The following MBTD1 variants were observed in gnomAD, a reference collection of about 807,000 sequenced individuals.
MBTD1 encodes the protein mbt domain containing 1, also known as MBT domain-containing protein 1.
A neutral mutation model predicts 87.8 loss-of-function variants in MBTD1; 24 were observed. The observed-to-expected ratio is 0.27, with a 90% CI of 0.20 to 0.38. The LOEUF (loss-of-function observed/expected upper bound fraction) is 0.38, where lower values mean the gene tolerates loss of function less well. Ranked by LOEUF, MBTD1 falls within the 10% of genes least tolerant of loss-of-function variation. The probability of loss-of-function intolerance (pLI) is 1.00; values close to 1 mark genes in which losing one functional copy is unlikely to be tolerated. For missense variants in MBTD1, 436 were observed against 760.2 expected (o/e 0.57, Z 5.02); for synonymous variants, 237 against 248.6 (o/e 0.95, Z 0.44).
intron 2 of MBTD1, among the ~76,000 whole-genome samples, chr17:51,241,704 C>CAT (rs2054169998): frequency 6.6e-6 from 1 of 152,126 alleles, no homozygotes. Context: ...GCTGGGATTA[C>CAT]AGGTGCCTGC....
At chr17:51,231,503 T>C (rs1279154756) in intron 2 of MBTD1, among the ~76,000 whole-genome samples, 1 of 152,194 alleles carries the variant, frequency 6.6e-6, no homozygotes, top group Admixed American at 6.5e-5. Context: ...GTCAAGGTCT[T>C]CTGGAGACTT....
At chr17:51,201,948 T>C (rs2051517459) in intron 11 of MBTD1, 74 bp downstream of exon 11, 1 of 1,074,340 alleles carries the variant, frequency 9.3e-7, no homozygotes, top group Non-Finnish European at 1.4e-6. Flanking sequence ...GTGATTTCCG[T>C]AATTTTAGGA....
chr17:51,192,852 C>T lies in MBTD1; in HGVS notation c.1620G>A (p.Glu540=). ...EEEYDQWVDC[E]SPDLYPVGWC... ...ACCCTACAGGATAGAGGTCAGGTGACTCACAGTCTACCCACTGATCATACT... is the reference window on the plus strand; with the variant it reads ...ACCCTACAGGATAGAGGTCAGGTGATTCACAGTCTACCCACTGATCATACT... The change falls in exon 15 of 17, where the codon GAG becomes GAA. Residue 540 remains glutamate (E), a synonymous_variant. Transcript: ENST00000586178. The T allele has an allele frequency of 6.2e-7, 1 of 1,614,178 alleles. No individual in the cohort carries two copies. Among genetic ancestry groups the T allele is most frequent in the Non-Finnish European group, 8.5e-7 (1 of 1,180,018 alleles).
chr17:51,221,935 G>GA (rs2052921274), intron 3 of MBTD1, among the ~76,000 whole-genome samples: 1 of 152,082 alleles, frequency 6.6e-6, no homozygotes, highest in African/African-American at 2.4e-5. Flanking sequence ...AGAAATCATG[G>GA]AAAAAAGATA....
chr17:51,227,985 T>G lies in MBTD1; in HGVS notation c.-48-2776A>C, dbSNP rs557041674. Among the ~76,000 whole-genome samples, 3 of 152,200 alleles carry G rather than the reference T, an allele frequency of 2.0e-5. No homozygotes were observed. The East Asian group carries it at 5.8e-4, about 29-fold the overall frequency. ...AAAAAAAAAAGAAAATTTTACCTTT[T>G]ACAATTTTAAGATGGCAAATATTTC... On this transcript the variant is annotated intron_variant, in intron 2 of 16. Coordinates refer to ENST00000586178, the MANE Select transcript of MBTD1 (RefSeq NM_017643.3).
At chr17:51,189,279 G>A (rs541337824) in intron 16 of MBTD1, among the ~76,000 whole-genome samples, 30 of 152,162 alleles carry the variant, frequency 2.0e-4, no homozygotes, top group African/African-American at 6.7e-4. Context: ...TGGTCCCAAG[G>A]GCATCTAATG....
chr17:51,228,017 T>C (rs2053328871), intron 2 of MBTD1, among the ~76,000 whole-genome samples: 1 of 152,072 alleles, frequency 6.6e-6, no homozygotes, highest in Non-Finnish European at 1.5e-5. Flanking sequence ...TTTCAGAAAT[T>C]GTAGGAGATA....
chr17:51,242,244 T>C (rs998734613), intron 2 of MBTD1, among the ~76,000 whole-genome samples: 4 of 152,254 alleles, frequency 2.6e-5, no homozygotes, highest in African/African-American at 9.6e-5. Context: ...ACATGTATTT[T>C]AGAAAATTAT....
At chr17:51,186,651 G>T (rs923039570) in intron 16 of MBTD1, among the ~76,000 whole-genome samples, 10 of 152,080 alleles carry the variant, frequency 6.6e-5, no homozygotes, top group Non-Finnish European at 1.3e-4. Flanking sequence ...GCAGGCGCCT[G>T]TGGTCCCAGC....
intron 2 of MBTD1, among the ~76,000 whole-genome samples, chr17:51,235,126 A>G (rs987515697): frequency 2.7e-5 from 4 of 146,464 alleles, no homozygotes; most frequent in African/African-American, 7.3e-5. Flanking sequence ...AATATCATGA[A>G]TATAGGATGC....
In MBTD1 at chr17:51,218,970, C is replaced by T; in HGVS notation, c.363G>A (p.Gln121=). 6.4e-7 allele frequency: 1 copy of T among 1,551,128 alleles called. No homozygotes were observed. The highest frequency in any genetic ancestry group is 8.7e-7 in the Non-Finnish European group (1 of 1,146,586). ...PLVAKLAAYA[Q]YQATLQNQAK... ...CTTGATTTTGCAAGGTAGCTTGATA[C>T]TGAGCATATGCGGCTAGCTTAGCAA... The change falls in exon 5 of 17, where the codon CAG becomes CAA. Residue 121 remains glutamine (Q), a synonymous_variant. Coordinates refer to ENST00000586178, the MANE Select transcript of MBTD1 (RefSeq NM_017643.3).
intron 16 of MBTD1, among the ~76,000 whole-genome samples, chr17:51,188,828 C>T (rs1222522300): frequency 6.9e-6 from 1 of 144,948 alleles, no homozygotes; most frequent in Non-Finnish European, 1.5e-5. Context: ...GGCGCGATCT[C>T]GGCTCACTGC....
chr17:51,203,764 T>C, intron 8 of MBTD1, 27 bp downstream of exon 8: 1 of 1,591,808 alleles, frequency 6.3e-7, no homozygotes, highest in Non-Finnish European at 8.5e-7. Flanking sequence ...ATAAAAAAAT[T>C]ACGGTAAGGG....
Position 51,248,572 on chromosome 17 carries a change from T to A in MBTD1, c.-49+10571A>T, listed in dbSNP as rs149129925. Among the ~76,000 whole-genome samples the A allele has an allele frequency of 3.1e-3, 466 of 152,370 alleles. 2 individuals are homozygous for A. The highest frequency in any genetic ancestry group is 5.4e-3 in the Non-Finnish European group (368 of 68,030). The stretch of plus-strand genomic sequence containing the variant: ...TCCCCAGTCCTGAGTTCTATTAGCT[T>A]TGGCTAAATTTTGTATATATTTAAG... On this transcript the variant is annotated intron_variant, in intron 2 of 16. Coordinates refer to ENST00000586178, the MANE Select transcript of MBTD1 (RefSeq NM_017643.3).
chr17:51,228,139 A>G (rs979902415), intron 2 of MBTD1, among the ~76,000 whole-genome samples: 5 of 152,098 alleles, frequency 3.3e-5, no homozygotes, highest in African/African-American at 9.7e-5. Context: ...CAAATACCAC[A>G]TGTTCTCACT....
chr17:51,215,836 G>A lies in MBTD1; in HGVS notation c.486+1498C>T, dbSNP rs1471461141. On this transcript the variant is annotated intron_variant, in intron 6 of 16. Transcript: ENST00000586178. ...TGACTTTGATCAAACTCCTTTAATG[G>A]CCATGAATCAGTGAAAATTCACTTA... 3.9e-5 allele frequency among the ~76,000 whole-genome samples: 6 copies of A among 151,998 alleles called. No homozygotes were observed. The Middle Eastern group carries it at 0.01, about 259-fold the overall frequency.
Position 51,192,846 on chromosome 17 carries a change from A to G in MBTD1, c.1626T>C (p.Pro542=), listed in dbSNP as rs1398910255. ...GACACCACCCTACAGGATAGAGGTC[A>G]GGTGACTCACAGTCTACCCACTGAT... ...EYDQWVDCES[P]DLYPVGWCQL... The change falls in exon 15 of 17, where the codon CCT becomes CCC. Residue 542 remains proline, a synonymous_variant. Transcript: ENST00000586178. The G allele has an allele frequency of 6.2e-7, 1 of 1,614,208 alleles. No homozygotes were observed.
chr17:51,220,805 G>C (rs555110609), intron 3 of MBTD1, among the ~76,000 whole-genome samples: 1 of 152,268 alleles, frequency 6.6e-6, no homozygotes, highest in East Asian at 1.9e-4. Flanking sequence ...ACAAATTCCA[G>C]CTTTTGAAAT....
At chr17:51,192,452 A>T in intron 15 of MBTD1, 172 bp from the exon 16 acceptor site, 1 of 628,574 alleles carries the variant, frequency 1.6e-6, no homozygotes, top group East Asian at 2.8e-5. Context: ...TCAACATGAG[A>T]CATTTTCCAC....
Sources: allele counts gnomAD v4.1 joint callset (sites outside exome capture counted in the v4.1 genomes callset), GRCh38; gene constraint gnomAD v4.1.1; transcripts MANE v1.5; gene names NCBI Gene and HGNC (gene_info 2026-07-23, HGNC 2026-07-21).